CNTN6: variants seen among roughly 807,000 people sequenced by gnomAD.
CNTN6 encodes contactin 6, also known as contactin-6.
Under a neutral mutation model 122.8 loss-of-function variants are expected in CNTN6, and 137 were observed. That is an observed-to-expected ratio of 1.12 (90% confidence interval 0.97 to 1.29). The LOEUF (loss-of-function observed/expected upper bound fraction) is 1.29, where lower values mean the gene tolerates loss of function less well. Ranked by LOEUF, CNTN6 falls within the 50% of genes most tolerant of loss-of-function variation. CNTN6 has a pLI of 0.00. For synonymous variants in CNTN6, 570 were observed against 426.0 expected (o/e 1.34, Z -4.16); for missense variants, 1,634 against 1,223.4 (o/e 1.34, Z -5.01).
chr3:1,325,977 GTTTACCTACTCTACTAGGTAAA>G, intron 9 of CNTN6, 26 bp downstream of exon 9: 1 of 1,593,922 alleles, frequency 6.3e-7, no homozygotes, highest in Non-Finnish European at 8.5e-7. Flanking sequence ...GATATTAAAA[GTTTACCTACTCTACTAGGTAAA>G]TTTTGTTACT....
At chr3:1,254,281 A>G (rs1209718670) in intron 4 of CNTN6, among the ~76,000 whole-genome samples, 1 of 152,100 alleles carries the variant, frequency 6.6e-6, no homozygotes, top group African/African-American at 2.4e-5. Context: ...CTTTGTTTAT[A>G]ATATTTATAT....
At chr3:1,099,237 G>T (rs534462472) in intron 1 of CNTN6, among the ~76,000 whole-genome samples, 1 of 152,046 alleles carries the variant, frequency 6.6e-6, no homozygotes, top group Non-Finnish European at 1.5e-5. Context: ...GGATCACGAG[G>T]TCAGGAGATC....
At chr3:1,108,565 A>G (rs1245970279) in intron 1 of CNTN6, among the ~76,000 whole-genome samples, 1 of 152,046 alleles carries the variant, frequency 6.6e-6, no homozygotes, top group Non-Finnish European at 1.5e-5. Flanking sequence ...TGAGTGCTCA[A>G]ACTGTAATAT....
intron 1 of CNTN6, among the ~76,000 whole-genome samples, chr3:1,117,267 A>G (rs2091761296): frequency 6.6e-6 from 1 of 152,198 alleles, no homozygotes; most frequent in Non-Finnish European, 1.5e-5. Context: ...TTGGAGTACC[A>G]TTTGGTGTTT....
Position 1,327,563 on chromosome 3 carries a change from CAA to C in CNTN6, c.1192_1193del (p.Asn398CysfsTer2). On this transcript the variant is annotated frameshift_variant, in exon 10 of 23. Transcript: ENST00000446702. LOFTEE classifies it high-confidence loss of function. The stretch of plus-strand genomic sequence containing the variant: ...GAAAACAAATATCAGATAATTTATG[CAA>C]ATGCTGAATTGAGAGTTTTAGGTAA... 6.2e-7 allele frequency: 1 copy of C among 1,610,028 alleles called. No individual in the cohort carries two copies. The highest frequency in any genetic ancestry group is 8.5e-7 in the Non-Finnish European group (1 of 1,177,688).
At chr3:1,123,666 T>C (rs1048052230) in intron 1 of CNTN6, among the ~76,000 whole-genome samples, 2 of 151,962 alleles carry the variant, frequency 1.3e-5, no homozygotes, top group African/African-American at 4.8e-5. Flanking sequence ...CCAATTTAGA[T>C]ACCTTTTATT....
chr3:1,202,441 G>A (rs1270405626), intron 2 of CNTN6, among the ~76,000 whole-genome samples: 4 of 150,968 alleles, frequency 2.6e-5, no homozygotes, highest in African/African-American at 7.3e-5. Context: ...TCGGGAGGCT[G>A]AGGCGGGAGA....
intron 2 of CNTN6, among the ~76,000 whole-genome samples, chr3:1,153,058 T>C (rs927341930): frequency 2.0e-5 from 3 of 152,240 alleles, no homozygotes; most frequent in African/African-American, 7.2e-5. Context: ...AAACATTCAC[T>C]TGGTTCATAA....
intron 17 of CNTN6, among the ~76,000 whole-genome samples, chr3:1,381,947 C>G (rs1191609902): frequency 1.4e-5 from 1 of 72,030 alleles, no homozygotes; most frequent in Non-Finnish European, 2.6e-5. Flanking sequence ...TGAATTGGTG[C>G]TCGCATGGGT....
intron 2 of CNTN6, among the ~76,000 whole-genome samples, chr3:1,215,500 T>C (rs1235059184): frequency 6.6e-6 from 1 of 152,212 alleles, no homozygotes; most frequent in Non-Finnish European, 1.5e-5. Flanking sequence ...CATCCTTAGG[T>C]TCATGGTCTC....
At chr3:1,311,152 A>T (rs967629144) in intron 7 of CNTN6, among the ~76,000 whole-genome samples, 41 of 141,584 alleles carry the variant, frequency 2.9e-4, no homozygotes, top group African/African-American at 1.0e-3. Flanking sequence ...AAATGTCTTT[A>T]TATATACATA....
At chr3:1,150,651 C>T (rs1270556836) in intron 2 of CNTN6, among the ~76,000 whole-genome samples, 1 of 152,094 alleles carries the variant, frequency 6.6e-6, no homozygotes, top group Admixed American at 6.6e-5. Context: ...TTAGGAAATA[C>T]AGTTAATAAT....
intron 2 of CNTN6, among the ~76,000 whole-genome samples, chr3:1,204,609 T>C (rs894538238): frequency 6.6e-6 from 1 of 152,188 alleles, no homozygotes; most frequent in African/African-American, 2.4e-5. Context: ...CTGTACACCA[T>C]TCCATAGTTT....
chr3:1,306,833 G>A (rs1318341119), intron 7 of CNTN6, among the ~76,000 whole-genome samples: 1 of 152,112 alleles, frequency 6.6e-6, no homozygotes, highest in Non-Finnish European at 1.5e-5. Context: ...AGTGGTTTCT[G>A]TATTATATTT....
At chr3:1,288,611 C>T (rs1167451328) in intron 5 of CNTN6, among the ~76,000 whole-genome samples, 1 of 152,166 alleles carries the variant, frequency 6.6e-6, no homozygotes, top group African/African-American at 2.4e-5. Flanking sequence ...TTATTTTCTG[C>T]CTCAGGAAAC....
chr3:1,243,993 A>C (rs1056551193), intron 4 of CNTN6, among the ~76,000 whole-genome samples: 13 of 152,114 alleles, frequency 8.5e-5, no homozygotes, highest in Non-Finnish European at 1.8e-4. Flanking sequence ...ACGAAGTGTG[A>C]AAAATGCCTG....
chr3:1,355,652 T>C (rs1400979446), intron 12 of CNTN6, among the ~76,000 whole-genome samples: 1 of 151,746 alleles, frequency 6.6e-6, no homozygotes, highest in African/African-American at 2.4e-5. Context: ...CAGAATCAAA[T>C]ATAATTTTGT....
chr3:1,173,870 C>T (rs1559454470), intron 2 of CNTN6, among the ~76,000 whole-genome samples: 1 of 151,882 alleles, frequency 6.6e-6, no homozygotes, highest in Admixed American at 6.6e-5. Flanking sequence ...AATGATGTAC[C>T]TCTCGAGACT....
At position 1,351,098 on chromosome 3, in the gene CNTN6, G is replaced by T. The variant is rs549843676; in HGVS notation, c.1365-1226G>T. On this transcript the variant is annotated intron_variant, in intron 11 of 22. Transcript: ENST00000446702. The stretch of plus-strand genomic sequence containing the variant: ...ATGGAACATTCTAAATTCAGATGTG[G>T]CTCCTTCCACTCACTGATAACAGAA... 4.6e-5 allele frequency among the ~76,000 whole-genome samples: 7 copies of T among 151,858 alleles called. No individual in the cohort carries two copies. In the South Asian group the frequency reaches 1.2e-3, roughly 27 times the overall value.
Sources: gnomAD v4.1 joint callset for allele counts (sites outside exome capture counted in the v4.1 genomes callset) on GRCh38, gnomAD v4.1.1 for gene constraint, MANE v1.5 for transcripts, NCBI Gene and HGNC (gene_info 2026-07-23, HGNC 2026-07-21) for gene names.